GPC5: variants seen among roughly 807,000 people sequenced by gnomAD.
GPC5 encodes the protein glypican 5.
Under a neutral mutation model 53.9 loss-of-function variants are expected in GPC5, and 47 were observed. That is an observed-to-expected ratio of 0.87 (90% CI 0.69 to 1.11). The LOEUF (loss-of-function observed/expected upper bound fraction) is 1.11, where lower values mean the gene tolerates loss of function less well. Among genes scored for constraint, GPC5 ranks in the 50% most tolerant of loss-of-function variants. The pLI is 0.00. For missense variants in GPC5, 748 were observed against 713.1 expected (o/e 1.05, Z -0.56); for synonymous variants, 286 against 263.3 (o/e 1.09, Z -0.84).
At chr13:92,697,510 T>C (rs528236899) in intron 7 of GPC5, among the ~76,000 whole-genome samples, 3 of 152,278 alleles carry the variant, frequency 2.0e-5, no homozygotes, top group Non-Finnish European at 4.4e-5. Context: ...GCTCTTAGTG[T>C]ATAGGAATGC....
intron 7 of GPC5, among the ~76,000 whole-genome samples, chr13:92,386,587 T>G (rs935760046): frequency 1.3e-5 from 2 of 152,042 alleles, no homozygotes; most frequent in African/African-American, 4.8e-5. Context: ...TAAAAGGTCT[T>G]CAATGTGTTG....
chr13:91,627,523 T>A lies in GPC5; in HGVS notation c.326-65664T>A, dbSNP rs61509671. On this transcript the variant is annotated intron_variant, in intron 2 of 7. Transcript: ENST00000377067. ...GATTGTAATTGTCACTCTCCAGACA[T>A]ATCTATTAGGAATAGGAAAAGATTT... is the stretch of plus-strand genomic sequence containing the variant. 3.6e-3 allele frequency among the ~76,000 whole-genome samples: 547 copies of A among 152,204 alleles called. 6 individuals carry two copies. Among genetic ancestry groups the A allele is most frequent in the African/African-American group, 0.013 (523 of 41,546 alleles).
At chr13:92,195,639 TTTA>T (rs2042251693) in intron 7 of GPC5, among the ~76,000 whole-genome samples, 1 of 152,108 alleles carries the variant, frequency 6.6e-6, no homozygotes. Flanking sequence ...AAACCACTGA[TTTA>T]GAATCATAAC....
chr13:91,514,862 A>G (rs2139345400), intron 2 of GPC5, among the ~76,000 whole-genome samples: 1 of 152,264 alleles, frequency 6.6e-6, no homozygotes, highest in Non-Finnish European at 1.5e-5. Flanking sequence ...ATTCTTATTG[A>G]CAGCTTTCTA....
intron 7 of GPC5, among the ~76,000 whole-genome samples, chr13:92,461,453 A>G (rs9301808): frequency 0.62 from 94,142 of 151,972 alleles, 30,248 homozygotes; most frequent in East Asian, 0.89. Flanking sequence ...ATCAGGAAAA[A>G]GTAATACGGA....
intron 2 of GPC5, among the ~76,000 whole-genome samples, chr13:91,596,583 G>T (rs182449358): frequency 7.6e-4 from 115 of 151,976 alleles, no homozygotes; most frequent in South Asian, 1.5e-3. Context: ...TAGGGTGCTG[G>T]GTTATTTTAT....
At chr13:92,333,700 A>G (rs941441569) in intron 7 of GPC5, among the ~76,000 whole-genome samples, 1 of 152,110 alleles carries the variant, frequency 6.6e-6, no homozygotes, top group Non-Finnish European at 1.5e-5. Flanking sequence ...ACAACATGCT[A>G]CTAGCTACAT....
intron 7 of GPC5, among the ~76,000 whole-genome samples, chr13:92,595,567 G>A (rs1331658787): frequency 2.0e-5 from 3 of 151,730 alleles, no homozygotes; most frequent in African/African-American, 7.3e-5. Context: ...AGGAGATCGA[G>A]ACCATCCTGG....
chr13:92,167,297 G>T (rs1229739363), intron 7 of GPC5, among the ~76,000 whole-genome samples: 4 of 152,058 alleles, frequency 2.6e-5, no homozygotes, highest in Non-Finnish European at 5.9e-5. Flanking sequence ...ACCATTTTCA[G>T]GGCATTGATG....
intron 2 of GPC5, among the ~76,000 whole-genome samples, chr13:91,638,913 T>A (rs1364214429): frequency 6.6e-6 from 1 of 152,198 alleles, no homozygotes. Context: ...ATAAGTAAAT[T>A]AACTGAATTT....
intron 5 of GPC5, among the ~76,000 whole-genome samples, chr13:91,803,767 C>G (rs1384145527): frequency 1.4e-5 from 2 of 144,928 alleles, no homozygotes; most frequent in Non-Finnish European, 3.0e-5. Flanking sequence ...ATAACAGAGA[C>G]AGACAGACAG....
At chr13:91,907,863 A>G (rs2039571157) in intron 5 of GPC5, 74 bp from the exon 6 acceptor site, 2 of 1,499,946 alleles carry the variant, frequency 1.3e-6, no homozygotes, top group African/African-American at 2.8e-5. Context: ...CCGACCTCAA[A>G]TATGTTCAGA....
chr13:92,194,212 T>C (rs2042242416), intron 7 of GPC5, among the ~76,000 whole-genome samples: 1 of 152,202 alleles, frequency 6.6e-6, no homozygotes, highest in South Asian at 2.1e-4. Context: ...CACAAGGTGA[T>C]GATCAGAGAG....
At chr13:92,618,555 ATTCT>A (rs925238738) in intron 7 of GPC5, among the ~76,000 whole-genome samples, 5 of 152,006 alleles carry the variant, frequency 3.3e-5, no homozygotes, top group East Asian at 1.9e-4. Context: ...GGACATTTTA[ATTCT>A]TTCTTCACTT....
At chr13:91,575,983 G>A (rs748767696) in intron 2 of GPC5, among the ~76,000 whole-genome samples, 9 of 152,020 alleles carry the variant, frequency 5.9e-5, no homozygotes, top group Admixed American at 2.0e-4. Context: ...AGTAATTTTG[G>A]CAACATTTAT....
chr13:91,810,185 T>A (rs2038287789), intron 5 of GPC5, among the ~76,000 whole-genome samples: 1 of 152,014 alleles, frequency 6.6e-6, no homozygotes, highest in Non-Finnish European at 1.5e-5. Context: ...TTCAAGTGTG[T>A]TAAATATGAC....
chr13:91,789,898 T>C (rs956181062), intron 5 of GPC5, among the ~76,000 whole-genome samples: 1 of 151,888 alleles, frequency 6.6e-6, no homozygotes, highest in Admixed American at 6.6e-5. Flanking sequence ...AGCGGAGAAA[T>C]AGAAGGGGAG....
At chr13:91,822,100 G>T (rs1566285147) in intron 5 of GPC5, among the ~76,000 whole-genome samples, 1 of 152,190 alleles carries the variant, frequency 6.6e-6, no homozygotes, top group Non-Finnish European at 1.5e-5. Context: ...AACATAGAGT[G>T]GGATTTCCTA....
intron 6 of GPC5, among the ~76,000 whole-genome samples, chr13:92,134,726 G>A (rs2041770069): frequency 6.6e-6 from 1 of 152,080 alleles, no homozygotes; most frequent in Non-Finnish European, 1.5e-5. Context: ...ATTTTGATAA[G>A]TTGAATAAAA....
Sources: allele counts gnomAD v4.1 joint callset (sites outside exome capture counted in the v4.1 genomes callset), GRCh38; gene constraint gnomAD v4.1.1; transcripts MANE v1.5; gene names NCBI Gene and HGNC (gene_info 2026-07-23, HGNC 2026-07-21).